The following RPTOR variants were observed in gnomAD, a reference collection of about 807,000 sequenced individuals.
RPTOR encodes the protein regulatory-associated protein of mTOR.
A neutral mutation model predicts 169.9 loss-of-function variants in RPTOR; 21 were observed. The observed-to-expected ratio is 0.12, with a 90% CI of 0.09 to 0.18. The LOEUF (loss-of-function observed/expected upper bound fraction) is 0.18. RPTOR is among the 10% of genes least tolerant of loss of function. The pLI is 1.00. For synonymous variants in RPTOR, 732 were observed against 753.2 expected (o/e 0.97, Z 0.46); for missense variants, 1,133 against 1,855.9 (o/e 0.61, Z 7.16).
chr17:80,913,134 T>G (rs946623389), intron 21 of RPTOR, among the ~76,000 whole-genome samples: 2 of 152,218 alleles, frequency 1.3e-5, no homozygotes, highest in African/African-American at 4.8e-5. Context: ...TTTCAAGAAA[T>G]GCCTTATTTT....
At chr17:80,945,515 C>A in intron 25 of RPTOR, 152 bp from the exon 26 acceptor site, 1 of 486,736 alleles carries the variant, frequency 2.1e-6, no homozygotes. Context: ...TGGTGTGAAC[C>A]TGGGAGGCGG....
rs770905826 is a variant in RPTOR, at chr17:80,846,591, C to G, written c.1314+17C>G. On this transcript the variant is annotated intron_variant, in intron 11 of 33. Transcript: ENST00000306801. The stretch of plus-strand genomic sequence containing the variant: ...GTCCTGCAGGTGAGTTTCTTCAGAC[C>G]GGGCCAGACAGCCGAGGTTCCTCAG... The G allele has an allele frequency of 6.2e-7, 1 of 1,610,384 alleles. No homozygotes were observed. The highest frequency in any genetic ancestry group is 8.5e-7 in the Non-Finnish European group (1 of 1,176,582).
intron 3 of RPTOR, among the ~76,000 whole-genome samples, chr17:80,660,262 CTG>C (rs1196466494): frequency 1.5e-5 from 2 of 130,342 alleles, no homozygotes; most frequent in East Asian, 4.2e-4. Context: ...CAGAGCGAGA[CTG>C]TGTCTCAAAA....
intron 5 of RPTOR, among the ~76,000 whole-genome samples, chr17:80,750,845 T>C: frequency 6.6e-6 from 1 of 152,182 alleles, no homozygotes; most frequent in South Asian, 2.1e-4. Context: ...CATGTAAATA[T>C]CCCTAATGTC....
chr17:80,830,163 C>G (rs537030329), intron 9 of RPTOR, among the ~76,000 whole-genome samples: 11 of 152,264 alleles, frequency 7.2e-5, no homozygotes, highest in African/African-American at 2.6e-4. Context: ...CACAGATTCT[C>G]CCCGCTGGCT....
chr17:80,904,716 T>C (rs760273706), intron 20 of RPTOR, among the ~76,000 whole-genome samples: 5 of 152,036 alleles, frequency 3.3e-5, no homozygotes, highest in Non-Finnish European at 5.9e-5. Flanking sequence ...TCGAATCCGA[T>C]GGGAAGTTCT....
At chr17:80,831,356 C>T (rs1327866324) in intron 9 of RPTOR, among the ~76,000 whole-genome samples, 1 of 152,218 alleles carries the variant, frequency 6.6e-6, no homozygotes, top group African/African-American at 2.4e-5. Context: ...GCATTTGATT[C>T]TGTGGAGTCC....
At chr17:80,893,641 C>A in intron 19 of RPTOR, 66 bp from the exon 20 acceptor site, 1 of 1,535,734 alleles carries the variant, frequency 6.5e-7, no homozygotes, top group Non-Finnish European at 8.8e-7. Context: ...TCAGTCATGC[C>A]ATTAACTGTA....
chr17:80,922,368 G>A (rs924515970), intron 21 of RPTOR, among the ~76,000 whole-genome samples: 3 of 152,200 alleles, frequency 2.0e-5, no homozygotes, highest in African/African-American at 7.2e-5. Context: ...GAGGCCGCCA[G>A]GAGCCGCCCC....
chr17:80,781,607 G>A (rs536618016), intron 6 of RPTOR, among the ~76,000 whole-genome samples: 23 of 152,254 alleles, frequency 1.5e-4, no homozygotes, highest in Non-Finnish European at 2.9e-4. Flanking sequence ...CAGCTGAGAC[G>A]TTTGGCAGTT....
At chr17:80,587,415 G>T (rs2065070620) in intron 1 of RPTOR, among the ~76,000 whole-genome samples, 1 of 152,222 alleles carries the variant, frequency 6.6e-6, no homozygotes, top group Non-Finnish European at 1.5e-5. Flanking sequence ...CACTTGGGTT[G>T]CCCAGTGTGT....
chr17:80,873,038 T>C (rs2068068933), intron 13 of RPTOR, among the ~76,000 whole-genome samples: 1 of 152,256 alleles, frequency 6.6e-6, no homozygotes, highest in African/African-American at 2.4e-5. Context: ...TGCTCATGGC[T>C]GGCTCCTGTC....
At chr17:80,686,123 T>G (rs2065945269) in intron 3 of RPTOR, among the ~76,000 whole-genome samples, 1 of 152,090 alleles carries the variant, frequency 6.6e-6, no homozygotes, top group African/African-American at 2.4e-5. Flanking sequence ...TCACTGAGTC[T>G]TCCTGTGCCC....
intron 10 of RPTOR, 95 bp downstream of exon 10, chr17:80,838,092 G>C: frequency 1.0e-6 from 1 of 986,254 alleles, no homozygotes. Context: ...GTGGTGCCCA[G>C]GACTCTCGGG....
chr17:80,544,943 C>T lies in RPTOR; in HGVS notation c.-687C>T, dbSNP rs888893684. On this transcript the variant is annotated 5_prime_UTR_variant, in exon 1 of 34. Coordinates refer to ENST00000306801, the MANE Select transcript of RPTOR (RefSeq NM_020761.3). ...ATGACCCAATAAGCCCACATTGTCCCTTTCCTCCGTGGTTCCGTGTCGCCC... is the reference window on the plus strand; with the variant it reads ...ATGACCCAATAAGCCCACATTGTCCTTTTCCTCCGTGGTTCCGTGTCGCCC... 5.2e-5 allele frequency: 12 copies of T among 230,618 alleles called. No homozygotes were observed. Among genetic ancestry groups the T allele is most frequent in the Non-Finnish European group, 9.5e-5 (11 of 116,246 alleles). 14.3% of individuals were successfully genotyped at this position (230,618 alleles called of 1,614,324 possible). A position where few individuals can be genotyped will look rare whatever the true frequency, so the allele number is the denominator to read the frequency against.
intron 7 of RPTOR, among the ~76,000 whole-genome samples, chr17:80,811,526 C>A (rs1414385087): frequency 6.6e-6 from 1 of 151,974 alleles, no homozygotes; most frequent in Non-Finnish European, 1.5e-5. Context: ...CTGTGGGAGA[C>A]AGCCACGCCC....
At chr17:80,599,640 A>T (rs1456629236) in intron 1 of RPTOR, among the ~76,000 whole-genome samples, 1 of 152,058 alleles carries the variant, frequency 6.6e-6, no homozygotes, top group Non-Finnish European at 1.5e-5. Flanking sequence ...TGTCCCTGCT[A>T]CTCTGCCAAT....
At chr17:80,871,372 A>G (rs979925479) in intron 13 of RPTOR, among the ~76,000 whole-genome samples, 11 of 152,142 alleles carry the variant, frequency 7.2e-5, no homozygotes, top group South Asian at 2.1e-4. Flanking sequence ...GCCATGCCCA[A>G]TGTTTTTGTC....
chr17:80,747,108 T>G (rs2066583715), intron 5 of RPTOR, among the ~76,000 whole-genome samples: 1 of 152,184 alleles, frequency 6.6e-6, no homozygotes. Context: ...TCCCAGCTAC[T>G]CAGGAGGCTG....
Sources: gnomAD v4.1 joint callset for allele counts (sites outside exome capture counted in the v4.1 genomes callset) on GRCh38, gnomAD v4.1.1 for gene constraint, MANE v1.5 for transcripts, NCBI Gene and HGNC (gene_info 2026-07-23, HGNC 2026-07-21) for gene names.